The following ADI1 variants were observed in gnomAD, a reference collection of about 807,000 sequenced individuals.
The protein encoded by ADI1 is acireductone dioxygenase.
Under a neutral mutation model 18.7 loss-of-function variants are expected in ADI1, and 21 were observed. The ratio of observed to expected loss-of-function variants is 1.13; its 90% confidence interval spans 0.80 to 1.62. The LOEUF (loss-of-function observed/expected upper bound fraction) is 1.62, where lower values mean the gene tolerates loss of function less well. Among genes scored for constraint, ADI1 ranks in the 40% most tolerant of loss-of-function variants. ADI1 has a pLI of 0.00. For synonymous variants in ADI1, 90 were observed against 100.1 expected (o/e 0.90, Z 0.60); for missense variants, 245 against 254.9 (o/e 0.96, Z 0.26).
intron 2 of ADI1, among the ~76,000 whole-genome samples, chr2:3,509,955 C>T (rs946765358): frequency 1.3e-5 from 2 of 151,958 alleles, no homozygotes; most frequent in African/African-American, 4.8e-5. Flanking sequence ...ACCAGCCTGA[C>T]CAACATGGAG....
intron 1 of ADI1, among the ~76,000 whole-genome samples, chr2:3,518,237 T>C (rs974154226): frequency 5.3e-5 from 8 of 152,212 alleles, no homozygotes; most frequent in Admixed American, 5.2e-4. Flanking sequence ...ACTTCCCTCT[T>C]CTGTTATTTA....
rs76414067 is a variant in ADI1, at chr2:3,501,006, G to A, written c.241-13C>T. The A allele has an allele frequency of 6.3e-7, 1 of 1,577,178 alleles. No individual in the cohort carries two copies. The highest frequency in any genetic ancestry group is 1.3e-5 in the African/African-American group (1 of 74,246). On this transcript the variant is annotated splice_polypyrimidine_tract_variant and intron_variant, in intron 2 of 3. Coordinates refer to ENST00000327435, the MANE Select transcript of ADI1 (RefSeq NM_018269.4). ...AGAACATCTTAATCTAGTGCAGAAG[G>A]AACATTCCTGTGAGTCTACCAGAGA...
chr2:3,513,667 CT>C (rs1316977932), intron 2 of ADI1, among the ~76,000 whole-genome samples, 189 bp downstream of exon 2: 1 of 152,188 alleles, frequency 6.6e-6, no homozygotes, highest in Non-Finnish European at 1.5e-5. Flanking sequence ...CACATGCTTC[CT>C]GTAGAGCCTG....
At chr2:3,507,109 A>T (rs1396866240) in intron 2 of ADI1, among the ~76,000 whole-genome samples, 1 of 152,200 alleles carries the variant, frequency 6.6e-6, no homozygotes, top group African/African-American at 2.4e-5. Flanking sequence ...TTGACTCACA[A>T]TTGTGAAGGA....
chr2:3,518,851 G>A (rs1192332536), intron 1 of ADI1, among the ~76,000 whole-genome samples: 1 of 152,184 alleles, frequency 6.6e-6, no homozygotes, highest in Non-Finnish European at 1.5e-5. Flanking sequence ...CAGCCCTGCC[G>A]GCCGACCCTT....
At chr2:3,516,793 G>A (rs1462891822) in intron 1 of ADI1, 2 of 985,278 alleles carry the variant, frequency 2.0e-6, no homozygotes, top group East Asian at 2.3e-4. Context: ...AGAACTCTAT[G>A]TCACTAATAA....
At chr2:3,515,956 C>A in intron 1 of ADI1, 1 of 985,428 alleles carries the variant, frequency 1.0e-6, no homozygotes, top group Non-Finnish European at 1.2e-6. Flanking sequence ...AAAGTTGACT[C>A]TAAAACTTAG....
rs560637388 is a variant in ADI1 at position 3,509,657 on chromosome 2, G to A, written c.240+4200C>T. 1.6e-4 allele frequency among the ~76,000 whole-genome samples: 25 copies of A among 151,964 alleles called. 1 individual carries two copies. The highest frequency in any genetic ancestry group is 6.2e-4 in the South Asian group (3 of 4,820). On this transcript the variant is annotated intron_variant, in intron 2 of 3. Transcript: ENST00000327435. The stretch of plus-strand genomic sequence containing the variant: ...ATGAAATGAAAATAAAAAGTATATC[G>A]AAATTATCAAAAGTTGTGTGAAGCC...
intron 2 of ADI1, among the ~76,000 whole-genome samples, chr2:3,512,818 T>A (rs1422009827): frequency 2.6e-5 from 4 of 152,302 alleles, no homozygotes. Context: ...ACCACCATCC[T>A]GCAGACCCAA....
At chr2:3,504,741 C>CTGTTCACCTGTGTATGTTTGTACTGTT (rs1667134761) in intron 2 of ADI1, among the ~76,000 whole-genome samples, 1 of 151,820 alleles carries the variant, frequency 6.6e-6, no homozygotes, top group East Asian at 1.9e-4. Context: ...TTTGTATTGT[C>CTGTTCACCTGTGTATGTTTGTACTGTT]TGTTCACCTG....
At chr2:3,504,897 C>T (rs556989265) in intron 2 of ADI1, among the ~76,000 whole-genome samples, 28 of 134,126 alleles carry the variant, frequency 2.1e-4, no homozygotes, top group African/African-American at 6.8e-4. Context: ...CGTATGTTTG[C>T]GTTGTTGGTT....
intron 2 of ADI1, among the ~76,000 whole-genome samples, chr2:3,513,216 T>G (rs1259280910): frequency 2.6e-5 from 4 of 152,194 alleles, no homozygotes; most frequent in Admixed American, 1.3e-4. Context: ...CAGATGAGAC[T>G]TTGGACTTGA....
At chr2:3,506,077 G>A (rs1288854021) in intron 2 of ADI1, among the ~76,000 whole-genome samples, 2 of 152,174 alleles carry the variant, frequency 1.3e-5, no homozygotes, top group African/African-American at 2.4e-5. Context: ...GACAGGAGAG[G>A]AAGGGAAACC....
chr2:3,502,449 T>A (rs1667044960), intron 2 of ADI1, among the ~76,000 whole-genome samples: 1 of 115,092 alleles, frequency 8.7e-6, no homozygotes, highest in Non-Finnish European at 1.6e-5. Flanking sequence ...CGGAAATAGC[T>A]CTTTTTTTTT....
intron 3 of ADI1, 54 bp from the exon 4 acceptor site, chr2:3,499,136 T>G: frequency 7.0e-7 from 1 of 1,426,378 alleles, no homozygotes; most frequent in South Asian, 1.3e-5. Context: ...GGCCTTCTAC[T>G]TAGTATTTAT....
intron 2 of ADI1, among the ~76,000 whole-genome samples, chr2:3,510,532 T>C (rs144484328): frequency 3.9e-5 from 6 of 152,226 alleles, no homozygotes; most frequent in South Asian, 2.1e-4. Flanking sequence ...ATCAATACAA[T>C]TGATAAGCCT....
Position 3,511,799 on chromosome 2 carries a change from G to T in ADI1, c.240+2058C>A, listed in dbSNP as rs149806789. 7.9e-5 allele frequency among the ~76,000 whole-genome samples: 12 copies of T among 152,320 alleles called. No individual in the cohort carries two copies. The East Asian group carries it at 2.3e-3, about 29-fold the overall frequency. ...GTTAACTCATTGTGACCAAAATGCT[G>T]ATAGTCATACAGACAATAAAGTCCA... is the stretch of plus-strand genomic sequence containing the variant. On this transcript the variant is annotated intron_variant, in intron 2 of 3. Coordinates refer to ENST00000327435, the MANE Select transcript of ADI1 (RefSeq NM_018269.4).
In ADI1 at chr2:3,510,883, C is replaced by T. The variant is rs577631725; in HGVS notation, c.240+2974G>A. On this transcript the variant is annotated intron_variant, in intron 2 of 3. Transcript: ENST00000327435. ...GAAAGAATAATACTATCTACACATA[C>T]TCTTCCAAGAAACTGAACAGGAGGG... 3.9e-5 allele frequency among the ~76,000 whole-genome samples: 6 copies of T among 152,338 alleles called. No individual in the cohort carries two copies. The East Asian group carries it at 1.2e-3, about 29-fold the overall frequency.
intron 1 of ADI1, among the ~76,000 whole-genome samples, chr2:3,514,620 T>C (rs767596642): frequency 2.0e-5 from 3 of 152,212 alleles, no homozygotes; most frequent in African/African-American, 4.8e-5. Context: ...AAAATTCCCA[T>C]TCAACATTTT....
Sources: allele counts gnomAD v4.1 joint callset (sites outside exome capture counted in the v4.1 genomes callset), GRCh38; gene constraint gnomAD v4.1.1; transcripts MANE v1.5; gene names NCBI Gene and HGNC (gene_info 2026-07-23, HGNC 2026-07-21).